NEK7: variants seen among roughly 807,000 people sequenced by gnomAD.
The protein encoded by NEK7 is serine/threonine-protein kinase Nek7.
A neutral mutation model predicts 44.6 loss-of-function variants in NEK7; 18 were observed. The observed-to-expected ratio is 0.40, with a 90% CI of 0.28 to 0.60. The LOEUF is 0.60. Among genes scored for constraint, NEK7 ranks in the 20% least tolerant of loss-of-function variants. The pLI is 0.38. For missense variants in NEK7, 256 were observed against 366.5 expected (o/e 0.70, Z 2.46); for synonymous variants, 130 against 121.1 (o/e 1.07, Z -0.48).
At chr1:198,232,225 CTG>C (rs1359277312) in intron 1 of NEK7, among the ~76,000 whole-genome samples, 3 of 152,046 alleles carry the variant, frequency 2.0e-5, no homozygotes, top group East Asian at 3.9e-4. Flanking sequence ...GGAGCTTACT[CTG>C]TTACTTAGCT....
chr1:198,314,311 G>A (rs1187730916), intron 9 of NEK7, among the ~76,000 whole-genome samples: 3 of 152,058 alleles, frequency 2.0e-5, no homozygotes, highest in African/African-American at 7.2e-5. Context: ...TCTCTGTAAT[G>A]GTTATTCTAG....
chr1:198,278,337 A>G (rs1654085890), intron 6 of NEK7, among the ~76,000 whole-genome samples: 1 of 151,476 alleles, frequency 6.6e-6, no homozygotes, highest in African/African-American at 2.4e-5. Context: ...TATATAAGGA[A>G]GAGTTTTTTG....
chr1:198,189,771 A>G (rs1665020927), intron 1 of NEK7, among the ~76,000 whole-genome samples: 1 of 152,156 alleles, frequency 6.6e-6, no homozygotes, highest in Admixed American at 6.5e-5. Flanking sequence ...ATAGCTACCA[A>G]GCTCAAGTGA....
At chr1:198,238,126 C>A (rs1178702236) in intron 2 of NEK7, among the ~76,000 whole-genome samples, 1 of 152,102 alleles carries the variant, frequency 6.6e-6, no homozygotes, top group African/African-American at 2.4e-5. Flanking sequence ...ATGTAACCAC[C>A]TACATTCTCC....
At chr1:198,192,300 A>G (rs1219144749) in intron 1 of NEK7, among the ~76,000 whole-genome samples, 1 of 146,678 alleles carries the variant, frequency 6.8e-6, no homozygotes. Flanking sequence ...TTAATTGATC[A>G]GTCTCACCAT....
At chr1:198,170,073 CACAGA>C (rs142842090) in intron 1 of NEK7, among the ~76,000 whole-genome samples, 4,462 of 152,260 alleles carry the variant, frequency 0.029, 118 homozygotes, top group African/African-American at 0.063. Context: ...CTGCAAGGCC[CACAGA>C]ACATGGTATG....
In NEK7 at chr1:198,256,412, CT is replaced by C. The variant is rs1400825778; in HGVS notation, c.198+3233del. 3.1e-6 allele frequency: 5 copies of C among 1,611,830 alleles called. No individual in the cohort carries two copies. In the South Asian group the frequency reaches 5.5e-5, roughly 18 times the overall value. ...GGAAATCATAAAGGGATCTGAGAGC[CT>C]ACAGTATATGGCAACATTAACCAAT... On this transcript the variant is annotated intron_variant, in intron 3 of 9. Transcript: ENST00000367385.
chr1:198,198,215 C>G (rs1558052012), intron 1 of NEK7: 6 of 702,658 alleles, frequency 8.5e-6, no homozygotes, highest in Non-Finnish European at 1.3e-5. Flanking sequence ...GCCTTTCCAC[C>G]ACCGCCTGGG....
chr1:198,242,820 T>G (rs1399782019), intron 2 of NEK7, among the ~76,000 whole-genome samples: 1 of 150,728 alleles, frequency 6.6e-6, no homozygotes, highest in Non-Finnish European at 1.5e-5. Context: ...TTTTTTTTTT[T>G]GTATTTAATT....
intron 1 of NEK7, among the ~76,000 whole-genome samples, chr1:198,182,586 A>T: frequency 6.6e-6 from 1 of 152,192 alleles, no homozygotes; most frequent in East Asian, 1.9e-4. Flanking sequence ...ATCTGGAAAA[A>T]AATGCAGGGA....
chr1:198,258,835 A>G (rs979817710), intron 3 of NEK7, among the ~76,000 whole-genome samples: 1 of 152,192 alleles, frequency 6.6e-6, no homozygotes, highest in Non-Finnish European at 1.5e-5. Flanking sequence ...TACATATTAT[A>G]TGCAAGATAT....
chr1:198,309,668 C>T (rs994415219), intron 9 of NEK7, among the ~76,000 whole-genome samples: 12 of 151,478 alleles, frequency 7.9e-5, no homozygotes, highest in Non-Finnish European at 1.8e-4. Context: ...TGTTCAATTC[C>T]CACCTATGAG....
intron 1 of NEK7, among the ~76,000 whole-genome samples, chr1:198,188,794 C>G (rs938587889): frequency 2.6e-4 from 40 of 152,020 alleles, no homozygotes; most frequent in African/African-American, 9.7e-4. Context: ...TAATAAAACA[C>G]TTGTATAATT....
intron 7 of NEK7, among the ~76,000 whole-genome samples, chr1:198,284,479 T>G (rs1017828112): frequency 1.3e-5 from 2 of 152,220 alleles, no homozygotes; most frequent in African/African-American, 4.8e-5. Context: ...TATCAAAATC[T>G]GTCTTCATGG....
At chr1:198,239,673 G>T (rs1321212010) in intron 2 of NEK7, among the ~76,000 whole-genome samples, 1 of 151,678 alleles carries the variant, frequency 6.6e-6, no homozygotes, top group East Asian at 1.9e-4. Flanking sequence ...CTAGATAAAG[G>T]GTAATCAGCA....
At chr1:198,249,977 C>T (rs1257660466) in intron 2 of NEK7, among the ~76,000 whole-genome samples, 232 of 143,286 alleles carry the variant, frequency 1.6e-3, no homozygotes, top group Middle Eastern at 3.4e-3. Flanking sequence ...TGAATGGTAA[C>T]GCCTAGGTTT....
intron 1 of NEK7, among the ~76,000 whole-genome samples, chr1:198,178,556 T>A (rs1664668742): frequency 1.3e-5 from 2 of 152,076 alleles, no homozygotes; most frequent in South Asian, 2.1e-4. Flanking sequence ...TCGGGTACTC[T>A]TTTGGGGTTT....
intron 1 of NEK7, among the ~76,000 whole-genome samples, chr1:198,186,312 G>T (rs975408137): frequency 6.6e-6 from 1 of 152,212 alleles, no homozygotes; most frequent in Non-Finnish European, 1.5e-5. Flanking sequence ...TAAATATTTA[G>T]ATTTATTAAA....
At chr1:198,292,903 T>C in intron 7 of NEK7, 42 bp from the exon 8 acceptor site, 1 of 1,079,604 alleles carries the variant, frequency 9.3e-7, no homozygotes, top group South Asian at 1.3e-5. Flanking sequence ...TGTATCTTTA[T>C]TTTTATATAC....
Sources: allele counts gnomAD v4.1 joint callset (sites outside exome capture counted in the v4.1 genomes callset), GRCh38; gene constraint gnomAD v4.1.1; transcripts MANE v1.5; gene names NCBI Gene and HGNC (gene_info 2026-07-23, HGNC 2026-07-21).